The following CSMD3 variants were observed in gnomAD, a reference collection of about 807,000 sequenced individuals.
The protein encoded by CSMD3 is CUB and sushi domain-containing protein 3.
A neutral mutation model predicts 435.2 loss-of-function variants in CSMD3; 177 were observed. The ratio of observed to expected loss-of-function variants is 0.41; its 90% confidence interval spans 0.36 to 0.46. The LOEUF is 0.46. Among genes scored for constraint, CSMD3 ranks in the 20% least tolerant of loss-of-function variants. CSMD3 has a pLI of 0.34. For synonymous variants in CSMD3, 1,656 were observed against 1,520.5 expected (o/e 1.09, Z -2.07); for missense variants, 4,265 against 4,504.6 (o/e 0.95, Z 1.52).
At chr8:112,349,196 A>C (rs934493416) in intron 40 of CSMD3, among the ~76,000 whole-genome samples, 1 of 152,150 alleles carries the variant, frequency 6.6e-6, no homozygotes, top group Non-Finnish European at 1.5e-5. Context: ...AAGATGAGAA[A>C]TAAACTTTTA....
At chr8:112,799,420 C>T (rs1036286129) in intron 13 of CSMD3, among the ~76,000 whole-genome samples, 1 of 151,806 alleles carries the variant, frequency 6.6e-6, no homozygotes. Flanking sequence ...ATAATTCAAG[C>T]AACATAACAT....
intron 1 of CSMD3, among the ~76,000 whole-genome samples, chr8:113,429,550 A>G (rs1172231504): frequency 6.6e-6 from 1 of 152,082 alleles, no homozygotes; most frequent in Non-Finnish European, 1.5e-5. Flanking sequence ...AGTACACATT[A>G]TATCAGAAAA....
At chr8:113,085,635 T>C (rs922685055) in intron 5 of CSMD3, among the ~76,000 whole-genome samples, 2 of 152,140 alleles carry the variant, frequency 1.3e-5, no homozygotes, top group Non-Finnish European at 2.9e-5. Flanking sequence ...TGGCAACATG[T>C]ATGAACCTAA....
At chr8:112,570,875 G>C (rs1484883187) in intron 24 of CSMD3, among the ~76,000 whole-genome samples, 3 of 152,010 alleles carry the variant, frequency 2.0e-5, no homozygotes, top group Admixed American at 1.3e-4. Context: ...TTATCTCTAA[G>C]ACTAAAAAAT....
At chr8:112,857,110 G>T (rs1333116906) in intron 11 of CSMD3, among the ~76,000 whole-genome samples, 1 of 151,732 alleles carries the variant, frequency 6.6e-6, no homozygotes, top group South Asian at 2.1e-4. Context: ...GTGTGTCTGT[G>T]TGTTTGAACT....
chr8:112,536,393 C>G (rs1398681294), intron 27 of CSMD3, among the ~76,000 whole-genome samples: 1 of 152,144 alleles, frequency 6.6e-6, no homozygotes, highest in Non-Finnish European at 1.5e-5. Context: ...AAAGAGGACA[C>G]TTATGCAGCC....
chr8:113,410,195 G>A lies in CSMD3; in HGVS notation c.178+26482C>T, dbSNP rs71528437. Among the ~76,000 whole-genome samples, 981 of 152,156 alleles carry A rather than the reference G, an allele frequency of 6.4e-3. 7 individuals carry two copies. Among genetic ancestry groups the A allele is most frequent in the Non-Finnish European group, 0.011 (741 of 67,998 alleles). On this transcript the variant is annotated intron_variant, in intron 1 of 70. Coordinates refer to ENST00000297405, the MANE Select transcript of CSMD3 (RefSeq NM_198123.2). ...TGTTTTATTTTGTAATTAATATTAT[G>A]TATTTAAGATATATTCTAACTACCA...
chr8:112,346,772 G>A (rs776230700), intron 40 of CSMD3, among the ~76,000 whole-genome samples: 34 of 133,828 alleles, frequency 2.5e-4, no homozygotes, highest in Non-Finnish European at 4.7e-4. Context: ...TCCGCCTCCC[G>A]GGTTCACGCC....
intron 11 of CSMD3, among the ~76,000 whole-genome samples, chr8:112,837,385 T>C (rs1343526494): frequency 1.3e-5 from 2 of 151,742 alleles, no homozygotes; most frequent in African/African-American, 2.4e-5. Context: ...TACCAAGCTA[T>C]ACTCATTAGT....
chr8:112,591,658 A>G (rs1489679189), intron 22 of CSMD3, among the ~76,000 whole-genome samples: 1 of 152,122 alleles, frequency 6.6e-6, no homozygotes, highest in Non-Finnish European at 1.5e-5. Context: ...GTTTTTAAAC[A>G]TAAACATATG....
intron 34 of CSMD3, among the ~76,000 whole-genome samples, chr8:112,407,338 T>C (rs1449051630): frequency 1.3e-5 from 2 of 152,054 alleles, no homozygotes; most frequent in Non-Finnish European, 2.9e-5. Flanking sequence ...TTGAAATTGC[T>C]TTTAGATTTT....
chr8:112,848,791 C>T (rs1282525088), intron 11 of CSMD3, among the ~76,000 whole-genome samples: 1 of 152,042 alleles, frequency 6.6e-6, no homozygotes, highest in Non-Finnish European at 1.5e-5. Flanking sequence ...CTCAGGTTCA[C>T]ATTCTATCCA....
chr8:112,936,457 TAAG>T (rs1396985028), intron 9 of CSMD3, among the ~76,000 whole-genome samples: 1 of 152,124 alleles, frequency 6.6e-6, no homozygotes, highest in African/African-American at 2.4e-5. Context: ...TATGGAAACT[TAAG>T]AATATTAAAC....
In CSMD3 at chr8:112,335,462, G is replaced by A. The variant is rs1824466524; in HGVS notation, c.7032C>T (p.Asp2344=). The A allele has an allele frequency of 6.2e-7, 1 of 1,613,976 alleles. No individual in the cohort carries two copies. Among genetic ancestry groups the A allele is most frequent in the Admixed American group, 1.7e-5 (1 of 60,008 alleles). Residue 2344 remains aspartate (D), a synonymous_variant, in exon 45 of 71, where the codon GAC becomes GAT. Transcript: ENST00000297405. The stretch of plus-strand genomic sequence containing the variant: ...ACTGACCGATCTGAGGTGAATTTTG[G>A]TCTGGTCCATCCCTATGAGACAAGG... ...YDFITVWDGP[D]QNSPQIGQFS...
chr8:113,124,667 A>ATATAT (rs1190347805), intron 4 of CSMD3, among the ~76,000 whole-genome samples: 9 of 151,954 alleles, frequency 5.9e-5, no homozygotes, highest in Non-Finnish European at 1.2e-4. Flanking sequence ...TGAATTGCAA[A>ATATAT]TATATTATAT....
intron 9 of CSMD3, among the ~76,000 whole-genome samples, chr8:112,937,359 T>TTA (rs1024863527): frequency 6.7e-6 from 1 of 148,472 alleles, no homozygotes; most frequent in African/African-American, 2.4e-5. Flanking sequence ...AATGTTTTTT[T>TTA]TTTTTTTTTG....
chr8:113,081,560 T>G (rs1202460198), intron 5 of CSMD3, among the ~76,000 whole-genome samples: 1 of 152,132 alleles, frequency 6.6e-6, no homozygotes, highest in Non-Finnish European at 1.5e-5. Flanking sequence ...GAGTCTCTTG[T>G]GACTGCGTTG....
chr8:112,273,661 G>A (rs1357750268), intron 59 of CSMD3, among the ~76,000 whole-genome samples: 3 of 145,874 alleles, frequency 2.1e-5, no homozygotes, highest in South Asian at 4.3e-4. Context: ...GGTAGGTGGA[G>A]TTTGCAGTGA....
chr8:112,681,038 TC>T (rs374067192), intron 16 of CSMD3, among the ~76,000 whole-genome samples: 5 of 150,702 alleles, frequency 3.3e-5, no homozygotes, highest in Non-Finnish European at 4.4e-5. Context: ...TTTTCCTTTT[TC>T]TTTTTTTTTT....
Sources: gnomAD v4.1 joint callset for allele counts (sites outside exome capture counted in the v4.1 genomes callset) on GRCh38, gnomAD v4.1.1 for gene constraint, MANE v1.5 for transcripts, NCBI Gene and HGNC (gene_info 2026-07-23, HGNC 2026-07-21) for gene names.